Variants in RAI1 observed in about 807,000 individuals in gnomAD.
The protein encoded by RAI1 is retinoic acid induced 1.
In RAI1, 9 loss-of-function variants were observed where a neutral mutation model predicts 123.8. The ratio of observed to expected loss-of-function variants is 0.07; its 90% CI spans 0.04 to 0.13. The LOEUF is 0.13. Among genes scored for constraint, RAI1 ranks in the 10% least tolerant of loss-of-function variants. The pLI is 1.00. For missense variants in RAI1, 2,256 were observed against 2,545.8 expected (o/e 0.89, Z 2.45); for synonymous variants, 1,231 against 1,127.3 (o/e 1.09, Z -1.84).
chr17:17,788,321 G>A (rs1357341923), intron 2 of RAI1, among the ~76,000 whole-genome samples: 3 of 152,142 alleles, frequency 2.0e-5, no homozygotes, highest in Non-Finnish European at 4.4e-5. Context: ...CTCTTGTCTT[G>A]TGGGCTCCTT....
chr17:17,721,600 C>T (rs1915883796), intron 1 of RAI1, among the ~76,000 whole-genome samples: 1 of 152,158 alleles, frequency 6.6e-6, no homozygotes, highest in South Asian at 2.1e-4. Context: ...GGGACTTTCT[C>T]CTCCTCATCA....
chr17:17,785,817 T>G (rs994922843), intron 2 of RAI1, among the ~76,000 whole-genome samples: 1 of 152,230 alleles, frequency 6.6e-6, no homozygotes, highest in Non-Finnish European at 1.5e-5. Context: ...CCGTGAGCAC[T>G]GTTCCTCCTG....
At position 17,809,825 on chromosome 17, in the gene RAI1, T is replaced by TG; in HGVS notation, c.5710-144dup. ...GACGGGGTGGGGCCAGAAGGGGTGG[T>TG]GCCGACGGCCTCGGGCGGAGACCCC... On this transcript the variant is annotated intron_variant, in intron 5 of 5. Coordinates refer to ENST00000353383, the MANE Select transcript of RAI1 (RefSeq NM_030665.4). This position sits in a 1 kb window ranked among gnomAD's most constrained non-coding sequence, Gnocchi z 4.9. The TG allele has an allele frequency of 2.7e-6, 3 of 1,092,790 alleles. No individual in the cohort carries two copies. Among genetic ancestry groups the TG allele is most frequent in the African/African-American group, 1.6e-5 (1 of 62,650 alleles). 67.7% of individuals were successfully genotyped at this position (1,092,790 alleles called of 1,614,324 possible).
intron 2 of RAI1, among the ~76,000 whole-genome samples, chr17:17,752,686 C>A (rs1037646935): frequency 1.3e-5 from 2 of 152,204 alleles, no homozygotes; most frequent in African/African-American, 4.8e-5. Context: ...GGCCGACCAC[C>A]TTACTTGCCA....
chr17:17,749,655 G>C (rs539895737), intron 2 of RAI1, among the ~76,000 whole-genome samples: 12 of 152,204 alleles, frequency 7.9e-5, no homozygotes, highest in South Asian at 4.1e-4. Context: ...CTTTGCCTCT[G>C]CTGGTCTTTC....
rs767482852 is a variant in RAI1, at chr17:17,798,299, A to G, written c.5351A>G (p.Tyr1784Cys). ...RGLSRRLQSC[Y>C]CCDGREDGGE... is the part of the protein sequence containing the mutation. Reference sequence around the variant, plus strand: ...CTGTCCCGGAGGCTGCAGAGCTGCTACTGCTGTGATGGCCGGGAGGATGGG... The same window carrying G: ...CTGTCCCGGAGGCTGCAGAGCTGCTGCTGCTGTGATGGCCGGGAGGATGGG... Residue 1784 changes from tyrosine to cysteine, a missense_variant, in exon 3 of 6, where the codon TAC (tyrosine) becomes TGC (cysteine). Tyr to Cys is a radical substitution (Grantham distance 194). Transcript: ENST00000353383. 6.3e-7 allele frequency: 1 copy of G among 1,596,958 alleles called. No homozygotes were observed. Among genetic ancestry groups the G allele is most frequent in the Non-Finnish European group, 8.5e-7 (1 of 1,171,156 alleles).
intron 2 of RAI1, among the ~76,000 whole-genome samples, chr17:17,759,624 G>C (rs2030600559): frequency 6.6e-6 from 1 of 152,182 alleles, no homozygotes; most frequent in South Asian, 2.1e-4. Flanking sequence ...CGCTGGAATA[G>C]TTCCCCATGT....
intron 2 of RAI1, among the ~76,000 whole-genome samples, chr17:17,748,696 G>A (rs1598051686): frequency 6.6e-6 from 1 of 152,328 alleles, no homozygotes; most frequent in South Asian, 2.1e-4. Flanking sequence ...CCTGGCAGAA[G>A]AAACAGTGTA....
At chr17:17,702,672 G>T (rs541496235) in intron 1 of RAI1, among the ~76,000 whole-genome samples, 1 of 152,342 alleles carries the variant, frequency 6.6e-6, no homozygotes, top group Non-Finnish European at 1.5e-5. Flanking sequence ...TTCTGCCCTT[G>T]CTCTGGTCAA....
At chr17:17,755,497 G>A (rs1160037211) in intron 2 of RAI1, among the ~76,000 whole-genome samples, 1 of 152,196 alleles carries the variant, frequency 6.6e-6, no homozygotes, top group Non-Finnish European at 1.5e-5. Flanking sequence ...GAAGGGCAGG[G>A]GGCCTGGACA....
At chr17:17,778,790 C>T (rs1284518011) in intron 2 of RAI1, 1 of 456,760 alleles carries the variant, frequency 2.2e-6, no homozygotes, top group East Asian at 6.9e-5. Flanking sequence ...CACAGCAGTT[C>T]TGGGGCCAGG....
chr17:17,686,567 C>CCG (rs1914640100), intron 1 of RAI1, among the ~76,000 whole-genome samples: 1 of 90,258 alleles, frequency 1.1e-5, no homozygotes, highest in Non-Finnish European at 2.7e-5. Flanking sequence ...GTTCTTGAAC[C>CCG]CGTGTGTGTG....
chr17:17,711,754 G>A (rs1915573157), intron 1 of RAI1, among the ~76,000 whole-genome samples: 1 of 152,204 alleles, frequency 6.6e-6, no homozygotes, highest in African/African-American at 2.4e-5. Context: ...GGTAGCTTGG[G>A]GCATTAGGGC....
intron 1 of RAI1, among the ~76,000 whole-genome samples, chr17:17,718,127 C>G (rs1454113797): frequency 1.3e-5 from 2 of 152,204 alleles, no homozygotes; most frequent in African/African-American, 4.8e-5. Flanking sequence ...TACTCCCTCT[C>G]CCCTCTCCCC....
intron 2 of RAI1, among the ~76,000 whole-genome samples, chr17:17,780,772 G>A (rs1205435123): frequency 6.6e-6 from 1 of 152,202 alleles, no homozygotes; most frequent in African/African-American, 2.4e-5. Context: ...CCAGATATGA[G>A]GGAAGTCCAT....
intron 1 of RAI1, chr17:17,682,605 G>C (rs1304366114): frequency 6.6e-6 from 1 of 152,124 alleles, no homozygotes; most frequent in African/African-American, 2.4e-5. Flanking sequence ...GAGTGCGGCG[G>C]GGACAAGGGG....
intron 1 of RAI1, among the ~76,000 whole-genome samples, chr17:17,710,783 G>A (rs2350962): frequency 0.62 from 94,283 of 152,156 alleles, 30,278 homozygotes; most frequent in African/African-American, 0.78. Flanking sequence ...TGGGAAGCCT[G>A]TGCATTCTGT....
In RAI1 at chr17:17,795,879, C is replaced by T. The variant is rs754379238; in HGVS notation, c.2931C>T (p.Asn977=). The change falls in exon 3 of 6, where the codon AAC becomes AAT. Residue 977 remains asparagine, a synonymous_variant. Transcript: ENST00000353383. This position sits in a 1 kb window ranked among gnomAD's most constrained non-coding sequence, Gnocchi z 5.9. ...TSDASLAQKP[N]KPAVPEAPIA... ...ACGCCTCTCTGGCCCAGAAGCCCAA[C>T]AAGCCTGCTGTGCCCGAGGCGCCCA... is the stretch of plus-strand genomic sequence containing the variant. 5.6e-6 allele frequency: 9 copies of T among 1,612,466 alleles called. No homozygotes were observed. The highest frequency in any genetic ancestry group is 4.0e-5 in the African/African-American group (3 of 74,942).
intron 2 of RAI1, among the ~76,000 whole-genome samples, chr17:17,774,313 G>A (rs1441997153): frequency 6.6e-6 from 1 of 152,238 alleles, no homozygotes; most frequent in African/African-American, 2.4e-5. Flanking sequence ...GTCACACAGC[G>A]AGTCAGCAGT....
Sources: allele counts gnomAD v4.1 joint callset (sites outside exome capture counted in the v4.1 genomes callset), GRCh38; gene constraint gnomAD v4.1.1; non-coding constraint Gnocchi (gnomAD v3.1); transcripts MANE v1.5; gene names NCBI Gene and HGNC (gene_info 2026-07-23, HGNC 2026-07-21).